Variants in EYA4 observed in about 807,000 individuals in gnomAD.
The protein encoded by EYA4 is EYA transcriptional coactivator and phosphatase 4, also known as protein phosphatase EYA4.
In EYA4, 31 loss-of-function variants were observed where a neutral mutation model predicts 87.9. The ratio of observed to expected loss-of-function variants is 0.35; its 90% CI spans 0.27 to 0.48. The LOEUF is 0.48. EYA4 is among the 20% of genes least tolerant of loss of function. The pLI is 0.99. For missense variants in EYA4, 678 were observed against 761.4 expected, an observed-to-expected ratio of 0.89 and a Z score of 1.29; for synonymous variants, 263 against 270.6, an observed-to-expected ratio of 0.97 and a Z score of 0.28.
In EYA4 at chr6:133,456,542, ATTCT is replaced by A; in HGVS notation, c.278-12_278-9del. 1 of 1,567,310 alleles carries A rather than the reference ATTCT, an allele frequency of 6.4e-7. No homozygotes were observed. Among genetic ancestry groups the A allele is most frequent in the Non-Finnish European group, 8.8e-7 (1 of 1,137,316 alleles). On this transcript the variant is annotated splice_polypyrimidine_tract_variant and intron_variant, in intron 5 of 19. Coordinates refer to ENST00000355286, the MANE Select transcript of EYA4 (RefSeq NM_004100.5). ...TTAGAAGTAAAACTCACATGTACTT[ATTCT>A]TCTACGTAGTGTCTCTTCTTGCAGT...
At chr6:133,318,632 T>TATA (rs1562283547) in intron 2 of EYA4, among the ~76,000 whole-genome samples, 1 of 148,760 alleles carries the variant, frequency 6.7e-6, no homozygotes, top group African/African-American at 2.5e-5. Flanking sequence ...TTTTTTTTTT[T>TATA]TAATCATCCA....
intron 3 of EYA4, among the ~76,000 whole-genome samples, chr6:133,392,769 A>G (rs1787416099): frequency 1.3e-5 from 2 of 152,170 alleles, no homozygotes; most frequent in Admixed American, 1.3e-4. Flanking sequence ...GACAGCTTGC[A>G]TTGTTCTTTA....
At chr6:133,377,132 C>G (rs1326600406) in intron 2 of EYA4, among the ~76,000 whole-genome samples, 1 of 151,872 alleles carries the variant, frequency 6.6e-6, no homozygotes, top group Admixed American at 6.6e-5. Flanking sequence ...GTTTGTTGGT[C>G]TAGGTGAGTG....
chr6:133,390,160 T>G (rs974293461), intron 3 of EYA4, among the ~76,000 whole-genome samples: 4 of 152,222 alleles, frequency 2.6e-5, no homozygotes, highest in African/African-American at 9.6e-5. Flanking sequence ...GCCTAATTAC[T>G]GCCCACAAAA....
intron 5 of EYA4, among the ~76,000 whole-genome samples, chr6:133,450,317 T>C (rs1793306478): frequency 6.6e-6 from 1 of 152,172 alleles, no homozygotes; most frequent in African/African-American, 2.4e-5. Flanking sequence ...TGGGTGTTGG[T>C]GACACAGACT....
At chr6:133,421,491 T>C (rs1790220011) in intron 3 of EYA4, among the ~76,000 whole-genome samples, 1 of 152,212 alleles carries the variant, frequency 6.6e-6, no homozygotes, top group African/African-American at 2.4e-5. Context: ...TGATATGTCT[T>C]ATTTAGCATG....
At chr6:133,251,195 T>C (rs1774871151) in intron 1 of EYA4, among the ~76,000 whole-genome samples, 1 of 152,252 alleles carries the variant, frequency 6.6e-6, no homozygotes, top group Admixed American at 6.5e-5. Context: ...CTTTAAGCAA[T>C]TATAAGCACG....
rs72993953 is a variant in EYA4, at chr6:133,322,873, T to C, written c.33+48060T>C. 8.4e-4 allele frequency among the ~76,000 whole-genome samples: 128 copies of C among 152,314 alleles called. 1 individual carries two copies. Among genetic ancestry groups the C allele is most frequent in the Admixed American group, 1.9e-3 (29 of 15,298 alleles). ...TGTTATGCAAACACATTTCAGACTT[T>C]CTATGAGTTGCAAAACTTACATGTG... On this transcript the variant is annotated intron_variant, in intron 2 of 19. Coordinates refer to ENST00000355286, the MANE Select transcript of EYA4 (RefSeq NM_004100.5).
At chr6:133,447,645 C>T (rs1032250648) in intron 4 of EYA4, among the ~76,000 whole-genome samples, 8 of 152,002 alleles carry the variant, frequency 5.3e-5, no homozygotes, top group East Asian at 1.9e-4. Context: ...TTTAGAATAA[C>T]GATGCAATCT....
intron 3 of EYA4, among the ~76,000 whole-genome samples, chr6:133,415,270 C>T (rs1170170524): frequency 2.0e-5 from 3 of 152,154 alleles, no homozygotes; most frequent in East Asian, 1.9e-4. Flanking sequence ...TGAGGTGAAG[C>T]GAGTCTTTTT....
chr6:133,518,478 A>C (rs930055666), intron 17 of EYA4, among the ~76,000 whole-genome samples: 8 of 152,146 alleles, frequency 5.3e-5, no homozygotes, highest in East Asian at 1.9e-4. Flanking sequence ...GCACCAACCC[A>C]ATAGTTTTCA....
At chr6:133,386,235 T>G (rs1726815615) in intron 3 of EYA4, among the ~76,000 whole-genome samples, 2 of 152,150 alleles carry the variant, frequency 1.3e-5, no homozygotes. Context: ...TTTTTTTCTG[T>G]CTTCATGGTG....
intron 2 of EYA4, among the ~76,000 whole-genome samples, chr6:133,309,487 T>A (rs766265430): frequency 2.5e-4 from 38 of 152,190 alleles, no homozygotes; most frequent in Non-Finnish European, 4.4e-4. Context: ...TCATAAAAAA[T>A]TTCTGTTTTA....
intron 3 of EYA4, among the ~76,000 whole-genome samples, chr6:133,412,518 A>G (rs1789331760): frequency 6.6e-6 from 1 of 152,102 alleles, no homozygotes; most frequent in South Asian, 2.1e-4. Context: ...CGTGTAATGT[A>G]TGTATTTTTT....
intron 2 of EYA4, among the ~76,000 whole-genome samples, chr6:133,295,377 T>C (rs182548304): frequency 3.9e-5 from 6 of 152,338 alleles, no homozygotes; most frequent in Admixed American, 3.9e-4. Context: ...GTCATTCTTA[T>C]GTAACATTTT....
intron 6 of EYA4, among the ~76,000 whole-genome samples, chr6:133,457,985 A>G (rs1288375261): frequency 6.6e-6 from 1 of 152,172 alleles, no homozygotes; most frequent in Non-Finnish European, 1.5e-5. Context: ...GGTTAAGGCC[A>G]TACAGTCAAG....
At chr6:133,483,816 C>T (rs1332157973) in intron 13 of EYA4, among the ~76,000 whole-genome samples, 4 of 151,660 alleles carry the variant, frequency 2.6e-5, no homozygotes, top group South Asian at 2.1e-4. Context: ...CTCTGCTTCC[C>T]GTGCTCAAAT....
chr6:133,314,501 G>A (rs1362007728), intron 2 of EYA4, among the ~76,000 whole-genome samples: 1 of 152,092 alleles, frequency 6.6e-6, no homozygotes, highest in Non-Finnish European at 1.5e-5. Flanking sequence ...TATTCATGGT[G>A]TAATTTGTGT....
At chr6:133,430,606 TTTTA>T (rs1173439727) in intron 3 of EYA4, among the ~76,000 whole-genome samples, 1 of 152,224 alleles carries the variant, frequency 6.6e-6, no homozygotes, top group African/African-American at 2.4e-5. Context: ...ATACCATATT[TTTTA>T]TTTGTCAGAG....
Sources: allele counts gnomAD v4.1 joint callset (sites outside exome capture counted in the v4.1 genomes callset), GRCh38; gene constraint gnomAD v4.1.1; transcripts MANE v1.5; gene names NCBI Gene and HGNC (gene_info 2026-07-23, HGNC 2026-07-21).